Variants in PPP3CA observed in about 807,000 individuals in gnomAD.
The protein encoded by PPP3CA is CAM-PRP catalytic subunit.
In PPP3CA, 14 loss-of-function variants were observed where a neutral mutation model predicts 66.5. That is an observed-to-expected ratio of 0.21 (90% confidence interval 0.14 to 0.33). The LOEUF is 0.33. Ranked by LOEUF, PPP3CA falls within the 10% of genes least tolerant of loss-of-function variation. The probability of loss-of-function intolerance (pLI) is 1.00; values close to 1 mark genes in which losing one functional copy is unlikely to be tolerated. For synonymous variants in PPP3CA, 232 were observed against 226.2 expected (o/e 1.03, Z -0.23); for missense variants, 317 against 639.5 (o/e 0.50, Z 5.44).
At chr4:101,090,680 G>T (rs1336602328) in intron 6 of PPP3CA, among the ~76,000 whole-genome samples, 2 of 145,342 alleles carry the variant, frequency 1.4e-5, no homozygotes, top group Non-Finnish European at 3.0e-5. Context: ...TTAATGAGAC[G>T]AAATAATCAT....
At chr4:101,301,882 A>C (rs1320570600) in intron 1 of PPP3CA, among the ~76,000 whole-genome samples, 7 of 150,896 alleles carry the variant, frequency 4.6e-5, no homozygotes, top group African/African-American at 1.7e-4. Context: ...ATAATGATCT[A>C]ATTAAAATAA....
chr4:101,169,357 A>G (rs1313522767), intron 2 of PPP3CA, among the ~76,000 whole-genome samples: 2 of 152,196 alleles, frequency 1.3e-5, no homozygotes, highest in East Asian at 1.9e-4. Flanking sequence ...AATGGTGTGC[A>G]TGCCCAAGGC....
At chr4:101,123,519 A>C (rs1478413248) in intron 2 of PPP3CA, among the ~76,000 whole-genome samples, 1 of 152,174 alleles carries the variant, frequency 6.6e-6, no homozygotes, top group Non-Finnish European at 1.5e-5. Flanking sequence ...GAATGAAAAG[A>C]TATGACGCTG....
intron 1 of PPP3CA, among the ~76,000 whole-genome samples, chr4:101,220,707 TATCAAACAGCTCTCTTACA>T (rs72139991): frequency 0.16 from 24,873 of 151,698 alleles, 3,007 homozygotes; most frequent in East Asian, 0.31. Context: ...CAGTGTCTGT[TATCAAACAGCTCTCTTACA>T]CATTCTCTAT....
chr4:101,286,357 T>C lies in PPP3CA; in HGVS notation c.58+60382A>G, dbSNP rs1727847902. ...GTATGTTAAGGCAAATAAACACAAA[T>C]GCCAACCACAATCTTAGGTGGCTTT... On this transcript the variant is annotated intron_variant, in intron 1 of 13. Coordinates refer to ENST00000394854, the MANE Select transcript of PPP3CA (RefSeq NM_000944.5). Among the ~76,000 whole-genome samples the C allele has an allele frequency of 2.6e-5, 4 of 152,204 alleles. No individual in the cohort carries two copies. In the South Asian group the frequency reaches 6.2e-4, roughly 24 times the overall value.
At chr4:101,196,889 A>G (rs572544058) in intron 1 of PPP3CA, among the ~76,000 whole-genome samples, 30 of 152,328 alleles carry the variant, frequency 2.0e-4, no homozygotes, top group East Asian at 1.7e-3. Flanking sequence ...TACATTTGTG[A>G]GTACATTCAT....
intron 2 of PPP3CA, among the ~76,000 whole-genome samples, chr4:101,141,240 C>T (rs1722798644): frequency 6.6e-6 from 1 of 152,082 alleles, no homozygotes; most frequent in African/African-American, 2.4e-5. Flanking sequence ...CGTGGTGGCT[C>T]ATGCCTGTAA....
chr4:101,197,873 A>T (rs894906024), intron 1 of PPP3CA, among the ~76,000 whole-genome samples: 9 of 152,190 alleles, frequency 5.9e-5, no homozygotes, highest in Non-Finnish European at 8.8e-5. Context: ...CAGCAGTCTG[A>T]TGCCAGAATA....
intron 1 of PPP3CA, among the ~76,000 whole-genome samples, chr4:101,260,988 G>A (rs867854534): frequency 1.3e-5 from 2 of 152,048 alleles, no homozygotes; most frequent in South Asian, 2.1e-4. Flanking sequence ...CACAGAGAAA[G>A]CACAAGCCAA....
chr4:101,285,857 G>A (rs536011314), intron 1 of PPP3CA, among the ~76,000 whole-genome samples: 3 of 152,166 alleles, frequency 2.0e-5, no homozygotes, highest in South Asian at 2.1e-4. Context: ...GCAGTCATTC[G>A]ACAAAAGTTT....
Position 101,089,138 on chromosome 4 carries a change from CAT to C in PPP3CA, c.782+4636_782+4637del, listed in dbSNP as rs547556866. 7.9e-5 allele frequency among the ~76,000 whole-genome samples: 12 copies of C among 152,014 alleles called. No homozygotes were observed. The South Asian group carries it at 2.1e-3, about 26-fold the overall frequency. On this transcript the variant is annotated intron_variant, in intron 6 of 13. Coordinates refer to ENST00000394854, the MANE Select transcript of PPP3CA (RefSeq NM_000944.5). ...AGGAAAAGAGATGAAGCGGGCTAGA[CAT>C]AGATTCAGGAACTGGCCATAGAGTT...
intron 1 of PPP3CA, among the ~76,000 whole-genome samples, chr4:101,297,725 T>C (rs945613311): frequency 4.6e-5 from 7 of 152,234 alleles, no homozygotes; most frequent in African/African-American, 1.7e-4. Flanking sequence ...AATATTCATC[T>C]GGATAATGAA....
chr4:101,103,796 C>T (rs1275255197), intron 3 of PPP3CA, among the ~76,000 whole-genome samples: 1 of 152,146 alleles, frequency 6.6e-6, no homozygotes, highest in Non-Finnish European at 1.5e-5. Context: ...GTTTGCAATT[C>T]TAAGTTTTTC....
chr4:101,131,237 A>AAAATAAATAAATAAAT (rs140632196), intron 2 of PPP3CA, among the ~76,000 whole-genome samples: 6 of 138,698 alleles, frequency 4.3e-5, no homozygotes, highest in African/African-American at 1.5e-4. Context: ...ACTCCGTCTC[A>AAAATAAATAAATAAAT]AAATAAATAA....
intron 1 of PPP3CA, among the ~76,000 whole-genome samples, chr4:101,295,324 A>G (rs965649369): frequency 5.3e-5 from 8 of 151,388 alleles, no homozygotes; most frequent in African/African-American, 1.9e-4. Context: ...AAAAAAAAAA[A>G]AAAAAAAGAA....
At chr4:101,155,886 T>C (rs777131232) in intron 2 of PPP3CA, among the ~76,000 whole-genome samples, 2 of 152,198 alleles carry the variant, frequency 1.3e-5, no homozygotes, top group African/African-American at 4.8e-5. Flanking sequence ...TCTACAATAA[T>C]ATGAATACGA....
intron 1 of PPP3CA, among the ~76,000 whole-genome samples, chr4:101,331,650 AG>A (rs1729391408): frequency 6.6e-6 from 1 of 152,234 alleles, no homozygotes; most frequent in Non-Finnish European, 1.5e-5. Flanking sequence ...GCAAATGAAA[AG>A]CATGGAAGGT....
intron 1 of PPP3CA, among the ~76,000 whole-genome samples, chr4:101,199,588 T>C (rs1349402648): frequency 6.6e-6 from 1 of 152,220 alleles, no homozygotes; most frequent in African/African-American, 2.4e-5. Context: ...TGCCACTTTT[T>C]TCCTCAAATT....
intron 2 of PPP3CA, among the ~76,000 whole-genome samples, chr4:101,183,554 G>A (rs1471343754): frequency 6.6e-6 from 1 of 152,050 alleles, no homozygotes; most frequent in Non-Finnish European, 1.5e-5. Flanking sequence ...GTCCTCTAAT[G>A]AAAACTATCA....
Sources: gnomAD v4.1 joint callset for allele counts (sites outside exome capture counted in the v4.1 genomes callset) on GRCh38, gnomAD v4.1.1 for gene constraint, MANE v1.5 for transcripts, NCBI Gene and HGNC (gene_info 2026-07-23, HGNC 2026-07-21) for gene names.